ELMO1: variants seen among roughly 807,000 people sequenced by gnomAD.
ELMO1 encodes engulfment and cell motility 1, also known as engulfment and cell motility protein 1.
A neutral mutation model predicts 98.9 loss-of-function variants in ELMO1; 26 were observed. That is an observed-to-expected ratio of 0.26 (90% CI 0.19 to 0.36). The LOEUF is 0.36. ELMO1 is among the 10% of genes least tolerant of loss of function. The pLI, the probability that ELMO1 is intolerant of heterozygous loss-of-function variation, is 1.00. For missense variants in ELMO1, 627 were observed against 935.2 expected (o/e 0.67, Z 4.30); for synonymous variants, 346 against 346.0 (o/e 1.00, Z 0.00).
At chr7:37,290,554 T>A (rs1797622297) in intron 4 of ELMO1, among the ~76,000 whole-genome samples, 1 of 152,238 alleles carries the variant, frequency 6.6e-6, no homozygotes, top group Non-Finnish European at 1.5e-5. Context: ...TTAAAACACG[T>A]ACAATTTATG....
intron 15 of ELMO1, among the ~76,000 whole-genome samples, chr7:37,056,789 AG>A (rs1796411946): frequency 1.3e-5 from 2 of 152,166 alleles, no homozygotes; most frequent in Admixed American, 1.3e-4. Context: ...GGGCAAGAAC[AG>A]GGGAGCCCAC....
chr7:36,893,944 G>T (rs1000119316), intron 17 of ELMO1, among the ~76,000 whole-genome samples: 1 of 152,114 alleles, frequency 6.6e-6, no homozygotes, highest in Admixed American at 6.6e-5. Flanking sequence ...AAGAGAGCAG[G>T]TGTGTGTGGT....
At chr7:36,987,692 C>A (rs910658580) in intron 16 of ELMO1, among the ~76,000 whole-genome samples, 1 of 152,120 alleles carries the variant, frequency 6.6e-6, no homozygotes, top group African/African-American at 2.4e-5. Flanking sequence ...CAGCAACAGT[C>A]GCCCTCAGCC....
chr7:37,353,977 T>G (rs574134393), intron 1 of ELMO1, among the ~76,000 whole-genome samples: 1 of 152,198 alleles, frequency 6.6e-6, no homozygotes, highest in Non-Finnish European at 1.5e-5. Context: ...GCTTCAAAAA[T>G]TCCCATCTAG....
intron 16 of ELMO1, among the ~76,000 whole-genome samples, chr7:36,910,437 G>T (rs543430082): frequency 1.3e-5 from 2 of 152,106 alleles, no homozygotes; most frequent in Admixed American, 1.3e-4. Flanking sequence ...CTGCAGGATG[G>T]GTATAATCTC....
chr7:37,371,715 T>C (rs967074946), intron 1 of ELMO1, among the ~76,000 whole-genome samples: 1 of 152,218 alleles, frequency 6.6e-6, no homozygotes, highest in African/African-American at 2.4e-5. Flanking sequence ...AACTTCCAGA[T>C]TGAATAGCAC....
intron 7 of ELMO1, among the ~76,000 whole-genome samples, chr7:37,235,631 C>A (rs1284645972): frequency 6.6e-6 from 1 of 152,208 alleles, no homozygotes; most frequent in Non-Finnish European, 1.5e-5. Context: ...GAAACACACA[C>A]ACTACTGAAT....
At chr7:37,357,487 G>T (rs1279641662) in intron 1 of ELMO1, among the ~76,000 whole-genome samples, 6 of 152,138 alleles carry the variant, frequency 3.9e-5, no homozygotes, top group Admixed American at 3.9e-4. Flanking sequence ...CATTCCTAGG[G>T]TTGTCTTATC....
chr7:36,909,476 A>G (rs928277943), intron 16 of ELMO1, among the ~76,000 whole-genome samples: 1 of 152,240 alleles, frequency 6.6e-6, no homozygotes, highest in African/African-American at 2.4e-5. Context: ...TGAATGCCCA[A>G]GGAACTGTAG....
intron 16 of ELMO1, among the ~76,000 whole-genome samples, chr7:36,927,535 T>C (rs1288806314): frequency 6.6e-6 from 1 of 152,236 alleles, no homozygotes; most frequent in Non-Finnish European, 1.5e-5. Context: ...AGAGTTTACC[T>C]AGGCTGATTC....
At position 36,920,621 on chromosome 7, in the gene ELMO1, T is replaced by C. The variant is rs143553873; in HGVS notation, c.1438-25604A>G. Among the ~76,000 whole-genome samples, 791 of 152,376 alleles carry C rather than the reference T, an allele frequency of 5.2e-3. 5 individuals carry two copies. The highest frequency in any genetic ancestry group is 0.018 in the African/African-American group (760 of 41,590). On this transcript the variant is annotated intron_variant, in intron 16 of 21. Transcript: ENST00000310758. ...AAATAGATCACTATAGTTTTATGCA[T>C]GAAAGGCTTTTAAAAAAATCTGGCA...
intron 13 of ELMO1, among the ~76,000 whole-genome samples, chr7:37,165,877 T>C (rs1470973299): frequency 1.3e-5 from 2 of 152,194 alleles, no homozygotes; most frequent in Admixed American, 6.5e-5. Context: ...GGATTCCCTC[T>C]TTTTATATTG....
At chr7:37,173,365 AAGC>A (rs147760816) in intron 13 of ELMO1, among the ~76,000 whole-genome samples, 3,673 of 152,268 alleles carry the variant, frequency 0.024, 114 homozygotes, top group South Asian at 0.16. Context: ...GAGGGAGTAC[AAGC>A]CACGTCACAG....
chr7:37,168,013 T>C (rs1330808268), intron 13 of ELMO1, among the ~76,000 whole-genome samples: 2 of 151,944 alleles, frequency 1.3e-5, no homozygotes, highest in East Asian at 1.9e-4. Context: ...CATAGTCCCA[T>C]ATTTCTTGGA....
intron 1 of ELMO1, among the ~76,000 whole-genome samples, chr7:37,405,649 T>C (rs549068451): frequency 6.6e-6 from 1 of 152,214 alleles, no homozygotes; most frequent in African/African-American, 2.4e-5. Context: ...ACTCAAGGCG[T>C]CGGGCTTGTT....
chr7:37,419,381 G>A (rs186359461), intron 1 of ELMO1, among the ~76,000 whole-genome samples: 166 of 152,232 alleles, frequency 1.1e-3, no homozygotes, highest in African/African-American at 2.8e-3. Flanking sequence ...TTCATGGGCC[G>A]TTTGTGATTG....
intron 15 of ELMO1, among the ~76,000 whole-genome samples, chr7:37,061,806 A>G (rs970930782): frequency 6.6e-6 from 1 of 152,212 alleles, no homozygotes; most frequent in Non-Finnish European, 1.5e-5. Context: ...TATGACTCCG[A>G]TATTTAGATT....
chr7:37,222,094 T>A (rs1584831001), intron 10 of ELMO1, among the ~76,000 whole-genome samples: 1 of 152,260 alleles, frequency 6.6e-6, no homozygotes, highest in East Asian at 1.9e-4. Context: ...CCCTCTGACA[T>A]ACGAATGCAG....
At chr7:37,114,511 T>G (rs1785448089) in intron 14 of ELMO1, among the ~76,000 whole-genome samples, 1 of 152,148 alleles carries the variant, frequency 6.6e-6, no homozygotes, top group African/African-American at 2.4e-5. Context: ...TGGGTTGCCT[T>G]ATCAAGGCAA....
Sources: allele counts gnomAD v4.1 joint callset (sites outside exome capture counted in the v4.1 genomes callset), GRCh38; gene constraint gnomAD v4.1.1; transcripts MANE v1.5; gene names NCBI Gene and HGNC (gene_info 2026-07-23, HGNC 2026-07-21).